MYO10: variants seen among roughly 807,000 people sequenced by gnomAD.
MYO10 encodes myosin X, also known as unconventional myosin-X.
A neutral mutation model predicts 257.3 loss-of-function variants in MYO10; 133 were observed. The ratio of observed to expected loss-of-function variants is 0.52; its 90% CI spans 0.45 to 0.60. The LOEUF (loss-of-function observed/expected upper bound fraction) is 0.60. Ranked by LOEUF, MYO10 falls within the 20% of genes least tolerant of loss-of-function variation. The pLI is 0.00. For synonymous variants in MYO10, 1,104 were observed against 1,028.6 expected (o/e 1.07, Z -1.40); for missense variants, 2,399 against 2,635.7 (o/e 0.91, Z 1.97).
chr5:16,920,279 A>G (rs192758100), intron 1 of MYO10, among the ~76,000 whole-genome samples: 1 of 152,324 alleles, frequency 6.6e-6, no homozygotes, highest in East Asian at 1.9e-4. Context: ...ATCTCAAAAA[A>G]GCAAATAAGA....
intron 29 of MYO10, among the ~76,000 whole-genome samples, chr5:16,685,264 T>G (rs1008162227): frequency 2.6e-5 from 4 of 152,138 alleles, no homozygotes; most frequent in African/African-American, 9.7e-5. Flanking sequence ...CTGCTGGAGT[T>G]CAGTGGCGCA....
chr5:16,695,029 C>T (rs1164932502), intron 26 of MYO10, among the ~76,000 whole-genome samples: 1 of 152,156 alleles, frequency 6.6e-6, no homozygotes, highest in African/African-American at 2.4e-5. Flanking sequence ...TCAAAGTTTA[C>T]CAGTTTCTTT....
At chr5:16,685,346 G>A (rs1737199854) in intron 29 of MYO10, among the ~76,000 whole-genome samples, 1 of 151,998 alleles carries the variant, frequency 6.6e-6, no homozygotes, top group African/African-American at 2.4e-5. Context: ...AAGTAGCTGG[G>A]ACTACAGGCC....
chr5:16,803,260 C>CA (rs1441194972), intron 3 of MYO10, among the ~76,000 whole-genome samples: 1 of 151,924 alleles, frequency 6.6e-6, no homozygotes, highest in Non-Finnish European at 1.5e-5. Context: ...CCTGTCTCTA[C>CA]AAAAAATACA....
rs33919452 is a variant in MYO10, at chr5:16,679,524, G to GTTTTTTTTTTTTTTTTTTTTTTTT, written c.4542+422_4542+423insAAAAAAAAAAAAAAAAAAAAAAAA. Among the ~76,000 whole-genome samples the GTTTTTTTTTTTTTTTTTTTTTTTT allele has an allele frequency of 5.4e-4, 66 of 122,644 alleles. 3 individuals carry two copies. Among genetic ancestry groups the GTTTTTTTTTTTTTTTTTTTTTTTT allele is most frequent in the African/African-American group, 1.6e-3 (49 of 31,080 alleles). 80.5% of individuals were successfully genotyped at this position (122,644 alleles called of 152,430 possible). On this transcript the variant is annotated intron_variant, in intron 33 of 40. Coordinates refer to ENST00000513610, the MANE Select transcript of MYO10 (RefSeq NM_012334.3). ...TTAACCAAGCGCTAGTTTTTTGGGT[G>GTTTTTTTTTTTTTTTTTTTTTTTT]TTTTTTTTTTTTTTTTTTGAGACGA...
rs112582626 is a variant in MYO10, at chr5:16,766,712, G to A, written c.1061-514C>T. Among the ~76,000 whole-genome samples the A allele has an allele frequency of 6.6e-5, 10 of 151,498 alleles. 1 individual carries two copies. Among genetic ancestry groups the A allele is most frequent in the South Asian group, 4.2e-4 (2 of 4,792 alleles). ...GATCTCTTGACCTCATGATCTACCC[G>A]CCTTGGCCTCCCAAAGTGCTGGGAT... is the stretch of plus-strand genomic sequence containing the variant. On this transcript the variant is annotated intron_variant, in intron 10 of 40. Coordinates refer to ENST00000513610, the MANE Select transcript of MYO10 (RefSeq NM_012334.3).
intron 1 of MYO10, among the ~76,000 whole-genome samples, chr5:16,910,695 G>C (rs1264409157): frequency 6.6e-6 from 1 of 152,126 alleles, no homozygotes; most frequent in Admixed American, 6.6e-5. Flanking sequence ...TGCGGGATGG[G>C]TACAGTTAAG....
chr5:16,671,656 C>T, intron 37 of MYO10, 114 bp from the exon 38 acceptor site: 3 of 1,318,210 alleles, frequency 2.3e-6, no homozygotes, highest in Non-Finnish European at 3.1e-6. Context: ...CTGTCCGGGC[C>T]CAGAAAACAG....
At chr5:16,918,202 G>A (rs1175100774) in intron 1 of MYO10, among the ~76,000 whole-genome samples, 1 of 152,182 alleles carries the variant, frequency 6.6e-6, no homozygotes, top group Non-Finnish European at 1.5e-5. Flanking sequence ...TAATGGGTAA[G>A]GAAGATGTGA....
chr5:16,704,670 A>G lies in MYO10; in HGVS notation c.2185T>C (p.Ser729Pro). 6.2e-7 allele frequency: 1 copy of G among 1,613,894 alleles called. No homozygotes were observed. The highest frequency in any genetic ancestry group is 8.5e-7 in the Non-Finnish European group (1 of 1,179,860). The change falls in exon 22 of 41, where the codon TCC (serine) becomes CCC (proline). Residue 729 changes from serine (S) to proline (P), a missense_variant. Transcript: ENST00000513610. ...LGKTKVFLRE[S>P]LEQKLEKRRE... is the part of the protein sequence containing the mutation. ...CGCTTCTCCAGTTTCTGTTCCAAGG[A>G]TTCTCGAAGAAAGACCTGCTCAGGA...
chr5:16,890,041 A>G (rs1378547198), intron 1 of MYO10, among the ~76,000 whole-genome samples: 2 of 151,984 alleles, frequency 1.3e-5, no homozygotes, highest in Non-Finnish European at 2.9e-5. Context: ...CTTCATAAAA[A>G]TGAACGACCC....
chr5:16,676,956 T>G (rs1227523579), intron 33 of MYO10, among the ~76,000 whole-genome samples: 2 of 152,250 alleles, frequency 1.3e-5, no homozygotes, highest in Non-Finnish European at 2.9e-5. Flanking sequence ...CACATTTTGC[T>G]AGTTCTTGAA....
In MYO10 at chr5:16,920,557, T is replaced by C. The variant is rs2126800285; in HGVS notation, c.21+15231A>G. On this transcript the variant is annotated intron_variant, in intron 1 of 40. Coordinates refer to ENST00000513610, the MANE Select transcript of MYO10 (RefSeq NM_012334.3). ...CAAAGGTGAGCCCAAGGGACTGTCA[T>C]GGAACAGTTCTATATTGTGACTGCT... Among the ~76,000 whole-genome samples the C allele has an allele frequency of 1.3e-5, 2 of 152,276 alleles. 1 individual carries two copies. Among genetic ancestry groups the C allele is most frequent in the South Asian group, 4.1e-4 (2 of 4,830 alleles).
At chr5:16,713,784 C>T (rs572888020) in intron 19 of MYO10, among the ~76,000 whole-genome samples, 100 of 152,332 alleles carry the variant, frequency 6.6e-4, no homozygotes, top group African/African-American at 2.2e-3. Flanking sequence ...AAAGATGACA[C>T]AGCTGGAGGC....
intron 19 of MYO10, among the ~76,000 whole-genome samples, chr5:16,718,695 C>G (rs1661375471): frequency 6.6e-6 from 1 of 151,686 alleles, no homozygotes; most frequent in African/African-American, 2.4e-5. Flanking sequence ...CTGTATCTAG[C>G]TGCTCTGGTG....
At chr5:16,895,402 C>T (rs1479511940) in intron 1 of MYO10, among the ~76,000 whole-genome samples, 3 of 152,180 alleles carry the variant, frequency 2.0e-5, no homozygotes, top group Non-Finnish European at 2.9e-5. Flanking sequence ...GGCAGCTCAC[C>T]GGAGGCTCTG....
chr5:16,705,364 TA>T (rs758517799), intron 21 of MYO10, among the ~76,000 whole-genome samples: 6 of 152,224 alleles, frequency 3.9e-5, no homozygotes, highest in Non-Finnish European at 7.3e-5. Flanking sequence ...TTTGCTTGCC[TA>T]TGTCTGAGAA....
chr5:16,783,398 T>C lies in MYO10; in HGVS notation c.539A>G (p.Gln180Arg). Residue 180 changes from glutamine (Q) to arginine (R), a missense_variant, in exon 5 of 41, where the codon CAG (glutamine) becomes CGG (arginine). Around this residue, in one of 3 missense-constraint regions of MYO10, gnomAD observed 242 missense variants for 249.5 expected, o/e 0.97. Transcript: ENST00000513610. Reference protein sequence around the residue: ...ILKFLSVISQQSLELSLKEKT... With the variant: ...ILKFLSVISQRSLELSLKEKT... ...CTCCTTTAAGGACAATTCCAAAGAC[T>C]GTTGACTGATGACTGACAGAAACTT... The C allele has an allele frequency of 6.2e-7, 1 of 1,608,146 alleles. No homozygotes were observed. Among genetic ancestry groups the C allele is most frequent in the Non-Finnish European group, 8.5e-7 (1 of 1,177,192 alleles).
chr5:16,853,931 T>C (rs1743887063), intron 2 of MYO10: 1 of 150,276 alleles, frequency 6.7e-6, no homozygotes, highest in South Asian at 2.1e-4. Context: ...CTCAGGACTA[T>C]TAAAAAAAAA....
Sources: gnomAD v4.1 joint callset for allele counts (sites outside exome capture counted in the v4.1 genomes callset) on GRCh38, gnomAD v4.1.1 for gene constraint, gnomAD v4.1.1 regional missense constraint, MANE v1.5 for transcripts, NCBI Gene and HGNC (gene_info 2026-07-23, HGNC 2026-07-21) for gene names.